Variants in PTPN4 observed in about 807,000 individuals in gnomAD.
PTPN4 encodes tyrosine-protein phosphatase non-receptor type 4.
A neutral mutation model predicts 135.5 loss-of-function variants in PTPN4; 49 were observed. That is an observed-to-expected ratio of 0.36 (90% CI 0.29 to 0.46). PTPN4 has a LOEUF of 0.46. Among genes scored for constraint, PTPN4 ranks in the 20% least tolerant of loss-of-function variants. The pLI, the probability that PTPN4 is intolerant of heterozygous loss-of-function variation, is 1.00. For missense variants in PTPN4, 860 were observed against 1,101.0 expected, an observed-to-expected ratio of 0.78 and a Z score of 3.10; for synonymous variants, 333 against 369.9, an observed-to-expected ratio of 0.90 and a Z score of 1.14.
At chr2:119,787,985 TTAAA>T (rs1406466002) in intron 1 of PTPN4, among the ~76,000 whole-genome samples, 1 of 152,206 alleles carries the variant, frequency 6.6e-6, no homozygotes, top group Non-Finnish European at 1.5e-5. Context: ...CAGTGCATTA[TTAAA>T]TTAAGTGTTG....
chr2:119,855,201 T>C (rs1049659895), intron 2 of PTPN4, among the ~76,000 whole-genome samples: 4 of 152,124 alleles, frequency 2.6e-5, no homozygotes, highest in African/African-American at 9.7e-5. Flanking sequence ...TTCAGTTAAA[T>C]CTCCATACAA....
At chr2:119,795,740 C>T (rs1025536174) in intron 1 of PTPN4, among the ~76,000 whole-genome samples, 7 of 152,220 alleles carry the variant, frequency 4.6e-5, no homozygotes, top group Non-Finnish European at 1.0e-4. Flanking sequence ...GGCGGGGCTT[C>T]TGCCTGCTCC....
intron 1 of PTPN4, among the ~76,000 whole-genome samples, chr2:119,804,935 C>T (rs1691439976): frequency 6.6e-6 from 1 of 152,150 alleles, no homozygotes; most frequent in Admixed American, 6.5e-5. Context: ...TCCTCTCCAG[C>T]ATCTGTTGTT....
chr2:119,764,650 TC>T (rs1690573362), intron 1 of PTPN4, among the ~76,000 whole-genome samples: 1 of 152,030 alleles, frequency 6.6e-6, no homozygotes, highest in East Asian at 1.9e-4. Context: ...TTTTTTTTTT[TC>T]TTAAGTTTTT....
intron 25 of PTPN4, among the ~76,000 whole-genome samples, chr2:119,966,212 C>T (rs1190882803): frequency 1.3e-5 from 2 of 152,064 alleles, no homozygotes; most frequent in Admixed American, 6.6e-5. Flanking sequence ...TTTATATAAG[C>T]GCTTTAATCC....
intron 10 of PTPN4, among the ~76,000 whole-genome samples, chr2:119,901,155 A>AT (rs1017116465): frequency 2.5e-4 from 38 of 152,216 alleles, no homozygotes; most frequent in Non-Finnish European, 2.9e-4. Context: ...GAGAATGGAA[A>AT]TACCCAATTT....
intron 16 of PTPN4, 113 bp from the exon 17 acceptor site, chr2:119,946,228 A>T (rs1679130614): frequency 4.9e-6 from 4 of 820,810 alleles, no homozygotes; most frequent in Non-Finnish European, 7.3e-6. Context: ...TAGAATTATG[A>T]TTTTTTACAA....
chr2:119,788,522 C>T (rs945696550), intron 1 of PTPN4, among the ~76,000 whole-genome samples: 1 of 152,088 alleles, frequency 6.6e-6, no homozygotes, highest in African/African-American at 2.4e-5. Context: ...CATTCACATT[C>T]CTGTGGAGCC....
chr2:119,938,252 C>T (rs924391452), intron 15 of PTPN4, among the ~76,000 whole-genome samples: 30 of 151,624 alleles, frequency 2.0e-4, no homozygotes, highest in Non-Finnish European at 4.0e-4. Flanking sequence ...CTTAGCCTCC[C>T]GAGTAGCTGG....
At chr2:119,862,865 T>C (rs1176513700) in intron 3 of PTPN4, among the ~76,000 whole-genome samples, 2 of 152,148 alleles carry the variant, frequency 1.3e-5, no homozygotes, top group Non-Finnish European at 2.9e-5. Flanking sequence ...TAATGTCACT[T>C]TCATTAATTA....
At chr2:119,953,325 C>T (rs543461381) in intron 19 of PTPN4, among the ~76,000 whole-genome samples, 23 of 152,216 alleles carry the variant, frequency 1.5e-4, no homozygotes, top group African/African-American at 5.5e-4. Context: ...CCCAACCCTG[C>T]AAAATTTTGC....
chr2:119,952,182 T>C, intron 19 of PTPN4, 53 bp downstream of exon 19: 2 of 1,482,270 alleles, frequency 1.3e-6, no homozygotes, highest in Non-Finnish European at 1.8e-6. Flanking sequence ...TACTGTTCAT[T>C]ACTGAGCACA....
chr2:119,879,446 A>C (rs1270041631), intron 5 of PTPN4, among the ~76,000 whole-genome samples: 1 of 152,186 alleles, frequency 6.6e-6, no homozygotes, highest in Non-Finnish European at 1.5e-5. Context: ...AAATGGGGTA[A>C]ATGTCTAGTT....
At chr2:119,865,041 A>G (rs1677812802) in intron 3 of PTPN4, among the ~76,000 whole-genome samples, 1 of 152,086 alleles carries the variant, frequency 6.6e-6, no homozygotes. Context: ...TAGGACCTGG[A>G]TCTCCTAACT....
At chr2:119,965,327 A>T (rs549415063) in intron 24 of PTPN4, among the ~76,000 whole-genome samples, 170 bp from the exon 25 acceptor site, 1 of 152,290 alleles carries the variant, frequency 6.6e-6, no homozygotes, top group South Asian at 2.1e-4. Context: ...ACCAACTATG[A>T]GGACGCGGGT....
At chr2:119,785,306 A>AT (rs1328915508) in intron 1 of PTPN4, among the ~76,000 whole-genome samples, 2 of 152,058 alleles carry the variant, frequency 1.3e-5, no homozygotes, top group Admixed American at 6.6e-5. Context: ...CTGAAGTGTT[A>AT]TTTTTTCAGA....
Position 119,803,029 on chromosome 2 carries a change from A to G in PTPN4, c.-17-6808A>G, listed in dbSNP as rs185996682. Among the ~76,000 whole-genome samples, 123 of 152,270 alleles carry G rather than the reference A, an allele frequency of 8.1e-4. 1 individual carries two copies. Among genetic ancestry groups the G allele is most frequent in the African/African-American group, 2.6e-3 (107 of 41,560 alleles). ...TACCATTTCAATGGTTGCAAAGTCT[A>G]TGTGGTATCCTCTGTTTCATTCCTA... On this transcript the variant is annotated intron_variant, in intron 1 of 26. Transcript: ENST00000263708.
intron 11 of PTPN4, 47 bp downstream of exon 11, chr2:119,915,289 A>C (rs764756942): frequency 2.1e-6 from 3 of 1,429,504 alleles, no homozygotes; most frequent in Non-Finnish European, 2.8e-6. Context: ...GCCTTTTAAG[A>C]AATACCCATT....
intron 23 of PTPN4, 24 bp downstream of exon 23, chr2:119,960,977 C>G: frequency 1.2e-6 from 2 of 1,602,300 alleles, no homozygotes; most frequent in Non-Finnish European, 8.5e-7. Context: ...GAATCTTACA[C>G]ATTGCTTGGA....
Sources: gnomAD v4.1 joint callset for allele counts (sites outside exome capture counted in the v4.1 genomes callset) on GRCh38, gnomAD v4.1.1 for gene constraint, MANE v1.5 for transcripts, NCBI Gene and HGNC (gene_info 2026-07-23, HGNC 2026-07-21) for gene names.